Variants in TRPC4 observed in about 807,000 individuals in gnomAD.
TRPC4 encodes transient receptor potential cation channel subfamily C member 4.
A neutral mutation model predicts 99.4 loss-of-function variants in TRPC4; 49 were observed. The observed-to-expected ratio is 0.49, with a 90% CI of 0.39 to 0.63. The LOEUF (loss-of-function observed/expected upper bound fraction) is 0.63. Ranked by LOEUF, TRPC4 falls within the 20% of genes least tolerant of loss-of-function variation. TRPC4 has a pLI of 0.00. For synonymous variants in TRPC4, 454 were observed against 425.9 expected (o/e 1.07, Z -0.81); for missense variants, 898 against 1,152.9 (o/e 0.78, Z 3.20).
intron 3 of TRPC4, among the ~76,000 whole-genome samples, chr13:37,720,146 C>T (rs527962110): frequency 5.5e-4 from 84 of 152,042 alleles, no homozygotes; most frequent in Non-Finnish European, 7.1e-4. Context: ...AATGCAACCA[C>T]GCCAAGATCT....
At chr13:37,691,440 C>T (rs1218226250) in intron 4 of TRPC4, among the ~76,000 whole-genome samples, 5 of 152,200 alleles carry the variant, frequency 3.3e-5, no homozygotes, top group African/African-American at 1.2e-4. Flanking sequence ...TTAAGGTTTT[C>T]TACTTCACAG....
chr13:37,834,269 C>T (rs1433927736), intron 1 of TRPC4, among the ~76,000 whole-genome samples: 1 of 152,162 alleles, frequency 6.6e-6, no homozygotes, highest in Non-Finnish European at 1.5e-5. Context: ...TGCATCCTTC[C>T]AAATTCTAAT....
intron 1 of TRPC4, among the ~76,000 whole-genome samples, chr13:37,806,392 T>A (rs1957531062): frequency 6.6e-6 from 1 of 152,094 alleles, no homozygotes; most frequent in African/African-American, 2.4e-5. Flanking sequence ...CTCTTGATAG[T>A]ACTGTACAGA....
intron 3 of TRPC4, among the ~76,000 whole-genome samples, chr13:37,698,726 T>A (rs1056673800): frequency 6.6e-6 from 1 of 152,106 alleles, no homozygotes; most frequent in Non-Finnish European, 1.5e-5. Context: ...TGAACTCTTG[T>A]GCAAGTGGAA....
At chr13:37,829,176 A>T (rs895575687) in intron 1 of TRPC4, among the ~76,000 whole-genome samples, 8 of 152,216 alleles carry the variant, frequency 5.3e-5, no homozygotes, top group Non-Finnish European at 8.8e-5. Flanking sequence ...AGTAAAAGAC[A>T]ACACACAGAA....
At chr13:37,644,151 T>C (rs961316083) in intron 8 of TRPC4, among the ~76,000 whole-genome samples, 5 of 152,166 alleles carry the variant, frequency 3.3e-5, no homozygotes, top group Non-Finnish European at 5.9e-5. Flanking sequence ...CACCATTGAA[T>C]ATTACACAAT....
At chr13:37,789,306 C>T (rs1389825717) in intron 1 of TRPC4, among the ~76,000 whole-genome samples, 4 of 152,104 alleles carry the variant, frequency 2.6e-5, no homozygotes, top group African/African-American at 9.7e-5. Flanking sequence ...TTTTCCTTCC[C>T]TTGGGCACTT....
intron 1 of TRPC4, among the ~76,000 whole-genome samples, chr13:37,839,162 G>A (rs1306251221): frequency 6.6e-6 from 1 of 152,084 alleles, no homozygotes; most frequent in Non-Finnish European, 1.5e-5. Flanking sequence ...GAATTCCCAG[G>A]GATTTCTACC....
Position 37,728,713 on chromosome 13 carries a change from T to C in TRPC4, c.897+17224A>G, listed in dbSNP as rs922250833. 7.9e-5 allele frequency among the ~76,000 whole-genome samples: 12 copies of C among 152,182 alleles called. No individual in the cohort carries two copies. The South Asian group carries it at 1.5e-3, about 18-fold the overall frequency. Reference sequence around the variant, plus strand: ...ATCCATATGGAATCTCAAGGGACCCTGAGAGCCAAAATAATCTTGATAAAG... The same window carrying C: ...ATCCATATGGAATCTCAAGGGACCCCGAGAGCCAAAATAATCTTGATAAAG... On this transcript the variant is annotated intron_variant, in intron 3 of 10. Coordinates refer to ENST00000379705, the MANE Select transcript of TRPC4 (RefSeq NM_016179.4).
chr13:37,684,289 A>G (rs1198098658), intron 4 of TRPC4, among the ~76,000 whole-genome samples: 1 of 152,202 alleles, frequency 6.6e-6, no homozygotes, highest in African/African-American at 2.4e-5. Flanking sequence ...TGCTTAAACC[A>G]CTATGGGTTT....
chr13:37,860,909 T>C (rs905339582), intron 1 of TRPC4, among the ~76,000 whole-genome samples: 1 of 151,538 alleles, frequency 6.6e-6, no homozygotes. Context: ...GGTTTACTTA[T>C]GTATCTATTT....
chr13:37,823,063 T>A (rs1958064533), intron 1 of TRPC4, among the ~76,000 whole-genome samples: 1 of 151,462 alleles, frequency 6.6e-6, no homozygotes, highest in Non-Finnish European at 1.5e-5. Context: ...GCTGCATAAA[T>A]GTCTTCTTTT....
chr13:37,811,144 A>C (rs565123250), intron 1 of TRPC4, among the ~76,000 whole-genome samples: 1 of 152,140 alleles, frequency 6.6e-6, no homozygotes, highest in Non-Finnish European at 1.5e-5. Flanking sequence ...TATTTGGTTT[A>C]ATAAGATATC....
At chr13:37,733,541 C>G (rs1454049605) in intron 3 of TRPC4, among the ~76,000 whole-genome samples, 1 of 152,086 alleles carries the variant, frequency 6.6e-6, no homozygotes, top group African/African-American at 2.4e-5. Context: ...ACAATGAGTT[C>G]TTCTTTGAAG....
intron 3 of TRPC4, among the ~76,000 whole-genome samples, chr13:37,708,168 G>A (rs913137594): frequency 1.3e-5 from 2 of 152,024 alleles, no homozygotes; most frequent in East Asian, 3.9e-4. Context: ...ATTAAACAAA[G>A]TGCCTCTTTT....
chr13:37,829,628 C>A (rs981708718), intron 1 of TRPC4, among the ~76,000 whole-genome samples: 1 of 152,092 alleles, frequency 6.6e-6, no homozygotes, highest in Admixed American at 6.6e-5. Flanking sequence ...CATGACCCAG[C>A]AATTCTACTT....
chr13:37,813,757 T>C (rs1035417842), intron 1 of TRPC4, among the ~76,000 whole-genome samples: 1 of 151,800 alleles, frequency 6.6e-6, no homozygotes, highest in Non-Finnish European at 1.5e-5. Context: ...CCAAGAAAAG[T>C]CTTCATAGAT....
In TRPC4 at chr13:37,639,087, T is replaced by C. The variant is rs1188067856; in HGVS notation, c.2164A>G (p.Ile722Val). The C allele has an allele frequency of 6.2e-7, 1 of 1,613,740 alleles. No individual in the cohort carries two copies. Residue 722 changes from isoleucine (I) to valine (V), a missense_variant, in exon 10 of 11, where the codon ATT (isoleucine) becomes GTT (valine). Around this residue, in one of 3 missense-constraint regions of TRPC4, gnomAD observed 346 missense variants for 351.4 expected, o/e 0.98. Coordinates refer to ENST00000379705, the MANE Select transcript of TRPC4 (RefSeq NM_016179.4). Reference protein sequence around the residue: ...NLVKRYVAAMIRDAKTEEGLT... With the variant: ...NLVKRYVAAMVRDAKTEEGLT... The stretch of plus-strand genomic sequence containing the variant: ...CCTTCTTCAGTTTTAGCATCTCTAA[T>C]CATTGCAGCAACGTATCGCTTCACC...
chr13:37,855,648 AAAACATTC>A (rs1959167052), intron 1 of TRPC4, among the ~76,000 whole-genome samples: 1 of 112,370 alleles, frequency 8.9e-6, no homozygotes, highest in Non-Finnish European at 2.2e-5. Flanking sequence ...AACAAGTCTT[AAAACATTC>A]AAAAAATTGA....
Sources: allele counts gnomAD v4.1 joint callset (sites outside exome capture counted in the v4.1 genomes callset), GRCh38; gene constraint gnomAD v4.1.1; regional missense constraint gnomAD v4.1.1; transcripts MANE v1.5; gene names NCBI Gene and HGNC (gene_info 2026-07-23, HGNC 2026-07-21).